Variants in ZMPSTE24 observed in about 807,000 individuals in gnomAD.
ZMPSTE24 encodes the protein CAAX prenyl protease 1 homolog.
A neutral mutation model predicts 56.7 loss-of-function variants in ZMPSTE24; 48 were observed. The ratio of observed to expected loss-of-function variants is 0.85; its 90% CI spans 0.67 to 1.08. The LOEUF (loss-of-function observed/expected upper bound fraction) is 1.08, where lower values mean the gene tolerates loss of function less well. Ranked by LOEUF, ZMPSTE24 falls within the 50% of genes least tolerant of loss-of-function variation. ZMPSTE24 has a pLI of 0.00. For synonymous variants in ZMPSTE24, 172 were observed against 195.2 expected (o/e 0.88, Z 0.99); for missense variants, 503 against 548.7 (o/e 0.92, Z 0.83).
In ZMPSTE24 at chr1:40,281,454, T is replaced by C; in HGVS notation, c.881T>C (p.Ile294Thr). ...GAGTACTCTGTACTAAACAAAGACATCCAGGAGGATTCTGGCATGGAACCC... is the reference window on the plus strand; with the variant it reads ...GAGTACTCTGTACTAAACAAAGACACCCAGGAGGATTCTGGCATGGAACCC... Reference protein sequence around the residue: ...LEEYSVLNKDIQEDSGMEPRN... With the variant: ...LEEYSVLNKDTQEDSGMEPRN... Residue 294 changes from isoleucine to threonine, a missense_variant, in exon 7 of 10, where the codon ATC becomes ACC. Physicochemically the swap from Ile to Thr is moderately conservative, Grantham distance 89. Transcript: ENST00000372759. 7.4e-6 allele frequency: 12 copies of C among 1,614,116 alleles called. No homozygotes were observed. Among genetic ancestry groups the C allele is most frequent in the Non-Finnish European group, 9.3e-6 (11 of 1,180,006 alleles).
At position 40,290,891 on chromosome 1, in the gene ZMPSTE24, T is replaced by G. The variant is rs1431637197; in HGVS notation, c.1097T>G (p.Leu366Ter). The G allele has an allele frequency of 1.9e-6, 3 of 1,614,000 alleles. No homozygotes were observed. Among genetic ancestry groups the G allele is most frequent in the Non-Finnish European group, 2.5e-6 (3 of 1,180,012 alleles). The change falls in exon 9 of 10, where the codon TTA becomes TGA. Residue 366 changes from leucine (L) to a stop codon, truncating the protein, a stop_gained. Coordinates refer to ENST00000372759, the MANE Select transcript of ZMPSTE24 (RefSeq NM_005857.5). LOFTEE classifies it high-confidence loss of function. ...CTGTGTTTTTTTTTATTTGCTGTAT[T>G]AATTGGTCGAAAGGAGCTTTTTGCT... ...SFLCFFLFAV[L>*]IGRKELFAAF...
intron 7 of ZMPSTE24, 118 bp from the exon 8 acceptor site, chr1:40,285,807 G>C (rs1026301413): frequency 1.4e-5 from 12 of 834,034 alleles, no homozygotes; most frequent in Admixed American, 2.4e-5. Context: ...ACAATCAACA[G>C]TTTTGAACAA....
chr1:40,289,796 TC>T (rs1274345767), intron 8 of ZMPSTE24, among the ~76,000 whole-genome samples: 1 of 152,208 alleles, frequency 6.6e-6, no homozygotes, highest in African/African-American at 2.4e-5. Context: ...CCCTGACCTT[TC>T]TAACTATCTG....
At chr1:40,280,729 T>C (rs1643721002) in intron 6 of ZMPSTE24, among the ~76,000 whole-genome samples, 1 of 152,214 alleles carries the variant, frequency 6.6e-6, no homozygotes, top group Non-Finnish European at 1.5e-5. Context: ...CCCAGTTGAA[T>C]TTGCTTTTTG....
At position 40,270,019 on chromosome 1, in the gene ZMPSTE24, G is replaced by C. The variant is rs757212279; in HGVS notation, c.519G>C (p.Val173=). The change falls in exon 5 of 10, where the codon GTG becomes GTC. Residue 173 remains valine (V), a synonymous_variant. Coordinates refer to ENST00000372759, the MANE Select transcript of ZMPSTE24 (RefSeq NM_005857.5). ...FMKDAIKKFV[V]TQCILLPVSS... ...AAGATGCAATCAAGAAATTTGTTGT[G>C]ACTCAGTGTATTTTGTTGCCTGTGT... 1.2e-6 allele frequency: 2 copies of C among 1,613,812 alleles called. No homozygotes were observed. The highest frequency in any genetic ancestry group is 2.2e-5 in the South Asian group (2 of 90,956).
chr1:40,267,440 C>G (rs948723787), intron 2 of ZMPSTE24, among the ~76,000 whole-genome samples: 4 of 150,824 alleles, frequency 2.7e-5, no homozygotes, highest in African/African-American at 9.7e-5. Flanking sequence ...TCACGGCTCA[C>G]TGGAGCCTTG....
intron 1 of ZMPSTE24, among the ~76,000 whole-genome samples, chr1:40,260,476 G>A (rs565698473): frequency 6.6e-6 from 1 of 152,296 alleles, no homozygotes; most frequent in African/African-American, 2.4e-5. Context: ...CTCACAGTTA[G>A]CATGTGTGCT....
chr1:40,260,744 T>G, intron 1 of ZMPSTE24, 95 bp from the exon 2 acceptor site: 1 of 1,310,426 alleles, frequency 7.6e-7, no homozygotes, highest in Non-Finnish European at 1.1e-6. Flanking sequence ...TCAACAGATA[T>G]AAGTGGCAAG....
intron 4 of ZMPSTE24, among the ~76,000 whole-genome samples, chr1:40,268,895 G>A (rs1201396840): frequency 2.0e-5 from 3 of 151,128 alleles, no homozygotes; most frequent in South Asian, 4.2e-4. Context: ...GGCTAACACC[G>A]TGAAACCCGT....
intron 6 of ZMPSTE24, among the ~76,000 whole-genome samples, chr1:40,277,964 C>CAA (rs35695915): frequency 0.065 from 3,060 of 47,292 alleles, 341 homozygotes; most frequent in African/African-American, 0.21. Flanking sequence ...GACTCCATCT[C>CAA]AAAAAAAAAA....
intron 1 of ZMPSTE24, among the ~76,000 whole-genome samples, chr1:40,259,920 C>A (rs1643478560): frequency 6.6e-6 from 1 of 151,754 alleles, no homozygotes; most frequent in African/African-American, 2.4e-5. Context: ...TTTATTGGCA[C>A]ACAACAATAT....
At chr1:40,284,336 A>G (rs1206930391) in intron 7 of ZMPSTE24, among the ~76,000 whole-genome samples, 1 of 151,868 alleles carries the variant, frequency 6.6e-6, no homozygotes, top group Non-Finnish European at 1.5e-5. Flanking sequence ...CAATGTCTTA[A>G]TTTTCTAAAC....
chr1:40,270,082 CTA>C lies in ZMPSTE24; in HGVS notation c.584_585del (p.Tyr195PhefsTer22), dbSNP rs786205123. The C allele has an allele frequency of 1.2e-6, 2 of 1,613,736 alleles. No homozygotes were observed. Among genetic ancestry groups the C allele is most frequent in the Non-Finnish European group, 1.7e-6 (2 of 1,179,906 alleles). ...LLYIIKIGGD[Y>X]FFIYAWLFTL... ...TTTACATTATTAAAATTGGGGGTGA[CTA>C]TTTTTTTATTTATGCCTGGCTGTTC... is the stretch of plus-strand genomic sequence containing the variant. On this transcript the variant is annotated frameshift_variant, in exon 5 of 10. Transcript: ENST00000372759. LOFTEE classifies it high-confidence loss of function.
chr1:40,291,327 T>C (rs1231076502), intron 9 of ZMPSTE24, among the ~76,000 whole-genome samples: 2 of 152,224 alleles, frequency 1.3e-5, no homozygotes, highest in African/African-American at 4.8e-5. Context: ...AAAAATCTTA[T>C]GTGTATGAGG....
intron 1 of ZMPSTE24, among the ~76,000 whole-genome samples, chr1:40,260,114 G>A (rs1176303179): frequency 7.7e-6 from 1 of 129,898 alleles, no homozygotes; most frequent in Non-Finnish European, 1.5e-5. Context: ...AGGGTGTAGT[G>A]CTGTGGCACA....
Position 40,264,355 on chromosome 1 carries a change from A to G in ZMPSTE24, c.270+3370A>G, listed in dbSNP as rs372457042. 7.9e-5 allele frequency among the ~76,000 whole-genome samples: 12 copies of G among 152,148 alleles called. 1 individual carries two copies. Among genetic ancestry groups the G allele is most frequent in the East Asian group, 3.9e-4 (2 of 5,164 alleles). ...TCTCAAAAATAAATAAAAATAAAATAAGAAGTGTGTGGATGTTAAGCCATA... is the reference window on the plus strand; with the variant it reads ...TCTCAAAAATAAATAAAAATAAAATGAGAAGTGTGTGGATGTTAAGCCATA... On this transcript the variant is annotated intron_variant, in intron 2 of 9. Coordinates refer to ENST00000372759, the MANE Select transcript of ZMPSTE24 (RefSeq NM_005857.5).
chr1:40,288,566 T>A (rs1643808973), intron 8 of ZMPSTE24, among the ~76,000 whole-genome samples: 1 of 152,158 alleles, frequency 6.6e-6, no homozygotes, highest in African/African-American at 2.4e-5. Context: ...TCCATCTTTG[T>A]CGCTGTGGCC....
intron 7 of ZMPSTE24, among the ~76,000 whole-genome samples, chr1:40,283,598 A>G (rs1643753360): frequency 6.6e-6 from 1 of 151,586 alleles, no homozygotes; most frequent in African/African-American, 2.4e-5. Context: ...TCTCTGTTTC[A>G]GTGTTCTAAA....
intron 4 of ZMPSTE24, 24 bp downstream of exon 4, chr1:40,268,559 C>A: frequency 1.4e-6 from 2 of 1,467,078 alleles, no homozygotes; most frequent in Non-Finnish European, 9.5e-7. Context: ...TACAAATGTT[C>A]TCTTTTAAAT....
Sources: allele counts gnomAD v4.1 joint callset (sites outside exome capture counted in the v4.1 genomes callset), GRCh38; gene constraint gnomAD v4.1.1; transcripts MANE v1.5; gene names NCBI Gene and HGNC (gene_info 2026-07-23, HGNC 2026-07-21).